ERC2: variants seen among roughly 807,000 people sequenced by gnomAD.
ERC2 encodes the protein ELKS/RAB6-interacting/CAST family member 2.
ERC2 carries 42 observed loss-of-function variants against 114.8 expected under a neutral mutation model. The ratio of observed to expected loss-of-function variants is 0.37; its 90% CI spans 0.29 to 0.47. The LOEUF (loss-of-function observed/expected upper bound fraction) is 0.47, where lower values mean the gene tolerates loss of function less well. Among genes scored for constraint, ERC2 ranks in the 20% least tolerant of loss-of-function variants. ERC2 has a pLI of 0.99. For missense variants in ERC2, 939 were observed against 1,150.7 expected, an observed-to-expected ratio of 0.82 and a Z score of 2.66; for synonymous variants, 454 against 425.5, an observed-to-expected ratio of 1.07 and a Z score of -0.82.
intron 2 of ERC2, among the ~76,000 whole-genome samples, chr3:56,301,828 C>T (rs2055898651): frequency 6.6e-6 from 1 of 152,104 alleles, no homozygotes; most frequent in Non-Finnish European, 1.5e-5. Context: ...GTGCCTCGGT[C>T]TCCCCATTTG....
chr3:55,747,131 G>C (rs2066359551), intron 14 of ERC2, among the ~76,000 whole-genome samples: 1 of 152,148 alleles, frequency 6.6e-6, no homozygotes, highest in African/African-American at 2.4e-5. Flanking sequence ...ATGGGAGAGA[G>C]ATCCATGATT....
chr3:55,694,337 A>C (rs2062821886), intron 16 of ERC2, among the ~76,000 whole-genome samples: 1 of 152,214 alleles, frequency 6.6e-6, no homozygotes, highest in Non-Finnish European at 1.5e-5. Context: ...GGAGCAGTTC[A>C]TTCAACAGAC....
In ERC2 at chr3:56,298,013, G is replaced by A. The variant is rs530111072; in HGVS notation, c.658-1578C>T. Among the ~76,000 whole-genome samples the A allele has an allele frequency of 2.0e-5, 3 of 152,306 alleles. No individual in the cohort carries two copies. In the South Asian group the frequency reaches 6.2e-4, roughly 32 times the overall value. On this transcript the variant is annotated intron_variant, in intron 2 of 17. Coordinates refer to ENST00000288221, the MANE Select transcript of ERC2 (RefSeq NM_015576.3). ...ATACCACAGTGCCTCTCAGGGTATTGAATGCAGAGAAAGAAACTGATATGT... is the reference window on the plus strand; with the variant it reads ...ATACCACAGTGCCTCTCAGGGTATTAAATGCAGAGAAAGAAACTGATATGT...
intron 5 of ERC2, among the ~76,000 whole-genome samples, chr3:56,145,958 T>C (rs2149938218): frequency 6.6e-6 from 1 of 152,218 alleles, no homozygotes; most frequent in South Asian, 2.1e-4. Context: ...CAAGCAGTAT[T>C]CCCAGGCTTA....
chr3:55,535,914 G>GC (rs1308177579), intron 17 of ERC2, among the ~76,000 whole-genome samples: 1 of 152,094 alleles, frequency 6.6e-6, no homozygotes, highest in Non-Finnish European at 1.5e-5. Context: ...AGGGAGAATT[G>GC]CTTGAACCTG....
chr3:55,709,403 T>A lies in ERC2; in HGVS notation c.2713-9891A>T, dbSNP rs181905707. 6.6e-5 allele frequency among the ~76,000 whole-genome samples: 10 copies of A among 152,322 alleles called. 1 individual carries two copies. Among genetic ancestry groups the A allele is most frequent in the Admixed American group, 5.9e-4 (9 of 15,306 alleles). On this transcript the variant is annotated intron_variant, in intron 15 of 17. Transcript: ENST00000288221. ...ACAAGCACATCAAAGAGAGGTTTCA[T>A]AGAAATTATGTCTTAGGATGTGGAA...
At chr3:56,242,795 C>T (rs986780067) in intron 3 of ERC2, among the ~76,000 whole-genome samples, 2 of 152,118 alleles carry the variant, frequency 1.3e-5, no homozygotes, top group African/African-American at 4.8e-5. Flanking sequence ...CCCTAGAGCA[C>T]AGAGGCCATG....
At chr3:55,581,937 T>C (rs1052143136) in intron 17 of ERC2, among the ~76,000 whole-genome samples, 2 of 152,138 alleles carry the variant, frequency 1.3e-5, no homozygotes, top group Non-Finnish European at 2.9e-5. Context: ...ACCCAAGAAC[T>C]TTGAAATATA....
At chr3:55,566,433 A>G (rs1202439428) in intron 17 of ERC2, among the ~76,000 whole-genome samples, 6 of 151,652 alleles carry the variant, frequency 4.0e-5, no homozygotes, top group African/African-American at 1.2e-4. Flanking sequence ...TTATTTATTT[A>G]TTTATTTATG....
intron 3 of ERC2, among the ~76,000 whole-genome samples, chr3:56,294,719 G>A (rs771498512): frequency 5.9e-5 from 9 of 152,180 alleles, no homozygotes; most frequent in Non-Finnish European, 1.0e-4. Flanking sequence ...ACCAATACTC[G>A]AAGAGGATTA....
At chr3:56,324,137 G>T (rs968922494) in intron 2 of ERC2, among the ~76,000 whole-genome samples, 12 of 152,194 alleles carry the variant, frequency 7.9e-5, no homozygotes, top group Admixed American at 2.6e-4. Flanking sequence ...TACACTGGAA[G>T]TAGCATGCTG....
intron 17 of ERC2, among the ~76,000 whole-genome samples, chr3:55,579,766 A>G (rs1559686145): frequency 6.6e-6 from 1 of 152,148 alleles, no homozygotes; most frequent in African/African-American, 2.4e-5. Context: ...CACATCCTCA[A>G]CCTTTCACAT....
At position 56,212,051 on chromosome 3, in the gene ERC2, C is replaced by G. The variant is rs1047329389; in HGVS notation, c.1075-38531G>C. Among the ~76,000 whole-genome samples, 12 of 151,994 alleles carry G rather than the reference C, an allele frequency of 7.9e-5. No individual in the cohort carries two copies. The East Asian group carries it at 1.5e-3, about 20-fold the overall frequency. ...TTGGCTTAGGCAAAGACTTCATGAC[C>G]AAGAACCCAAAAGCAAACTCAAAAA... On this transcript the variant is annotated intron_variant, in intron 3 of 17. Transcript: ENST00000288221.
At chr3:55,839,682 C>G (rs1019465128) in intron 14 of ERC2, among the ~76,000 whole-genome samples, 4 of 151,572 alleles carry the variant, frequency 2.6e-5, no homozygotes, top group Non-Finnish European at 5.9e-5. Context: ...ACCAAAATAA[C>G]AAAACAAAGA....
intron 7 of ERC2, among the ~76,000 whole-genome samples, chr3:56,054,144 T>C (rs1013413773): frequency 2.0e-5 from 3 of 152,184 alleles, no homozygotes; most frequent in Admixed American, 6.5e-5. Context: ...AAACAGAGAA[T>C]GATATAAAGT....
chr3:55,584,365 G>A lies in ERC2; in HGVS notation c.*40-73089C>T, dbSNP rs572934803. On this transcript the variant is annotated intron_variant, in intron 17 of 17. Transcript: ENST00000288221. The stretch of plus-strand genomic sequence containing the variant: ...ACAGGCATGCAGTCCTTAGAGCCAC[G>A]CCTGGTTTACATCAATGTTCATTCA... Among the ~76,000 whole-genome samples, 22 of 152,156 alleles carry A rather than the reference G, an allele frequency of 1.4e-4. No individual in the cohort carries two copies. The South Asian group carries it at 2.3e-3, about 16-fold the overall frequency.
chr3:56,219,328 G>A (rs1464545454), intron 3 of ERC2, among the ~76,000 whole-genome samples: 2 of 151,686 alleles, frequency 1.3e-5, no homozygotes, highest in Non-Finnish European at 2.9e-5. Flanking sequence ...TTCTTAGGTG[G>A]GACAATAATG....
chr3:56,369,651 G>T (rs910793681), intron 2 of ERC2, among the ~76,000 whole-genome samples: 1 of 151,572 alleles, frequency 6.6e-6, no homozygotes, highest in African/African-American at 2.4e-5. Flanking sequence ...TTTTTGTCCT[G>T]TATCTCCATG....
chr3:55,523,926 G>A (rs886648938), intron 17 of ERC2, among the ~76,000 whole-genome samples: 2 of 152,218 alleles, frequency 1.3e-5, no homozygotes, highest in South Asian at 4.1e-4. Context: ...GAGAGCCGGA[G>A]ACAGGGCCTA....
Sources: allele counts gnomAD v4.1 joint callset (sites outside exome capture counted in the v4.1 genomes callset), GRCh38; gene constraint gnomAD v4.1.1; transcripts MANE v1.5; gene names NCBI Gene and HGNC (gene_info 2026-07-23, HGNC 2026-07-21).